The following RABGAP1 variants were observed in gnomAD, a reference collection of about 807,000 sequenced individuals.
The protein encoded by RABGAP1 is RAB GTPase activating protein 1, also known as rab GTPase-activating protein 1.
Under a neutral mutation model 137.6 loss-of-function variants are expected in RABGAP1, and 23 were observed. The observed-to-expected ratio is 0.17, with a 90% CI of 0.12 to 0.24. The LOEUF (loss-of-function observed/expected upper bound fraction) is 0.24, where lower values mean the gene tolerates loss of function less well. Among genes scored for constraint, RABGAP1 ranks in the 10% least tolerant of loss-of-function variants. The probability of loss-of-function intolerance (pLI) is 1.00; values close to 1 mark genes in which losing one functional copy is unlikely to be tolerated. For synonymous variants in RABGAP1, 451 were observed against 450.7 expected, an observed-to-expected ratio of 1.00 and a Z score of -0.01; for missense variants, 906 against 1,275.8, an observed-to-expected ratio of 0.71 and a Z score of 4.42.
intron 1 of RABGAP1, among the ~76,000 whole-genome samples, chr9:122,954,996 A>G (rs1834433657): frequency 6.6e-6 from 1 of 152,238 alleles, no homozygotes; most frequent in Admixed American, 6.5e-5. Context: ...AAAATGCTGT[A>G]GGAACAGATA....
intron 25 of RABGAP1, among the ~76,000 whole-genome samples, chr9:123,102,151 G>C (rs1177251613): frequency 1.3e-5 from 2 of 152,206 alleles, no homozygotes; most frequent in African/African-American, 4.8e-5. Context: ...TGAGGACTAA[G>C]TAAGATAGTG....
At position 123,036,392 on chromosome 9, in the gene RABGAP1, A is replaced by G. The variant is rs376915683; in HGVS notation, c.1794+15933A>G. ...ATGCCTTTGTGTTATGTCTATATTT[A>G]GAATATCTGAATTGTTAGATTTCTC... On this transcript the variant is annotated intron_variant, in intron 13 of 25. Coordinates refer to ENST00000373647, the MANE Select transcript of RABGAP1 (RefSeq NM_012197.4). 2.0e-4 allele frequency among the ~76,000 whole-genome samples: 31 copies of G among 152,354 alleles called. 1 individual carries two copies. The South Asian group carries it at 5.8e-3, about 29-fold the overall frequency.
intron 13 of RABGAP1, among the ~76,000 whole-genome samples, chr9:123,021,869 A>C (rs1470425650): frequency 6.6e-6 from 1 of 152,224 alleles, no homozygotes; most frequent in Admixed American, 6.5e-5. Context: ...TTATGATAGA[A>C]TGTGTCTGAA....
chr9:123,041,696 C>CT (rs2032960025), intron 13 of RABGAP1, among the ~76,000 whole-genome samples: 1 of 152,200 alleles, frequency 6.6e-6, no homozygotes, highest in African/African-American at 2.4e-5. Flanking sequence ...CGAGTAGTAA[C>CT]TGACTCAGCG....
chr9:122,996,237 G>A (rs1253029995), intron 7 of RABGAP1, 86 bp downstream of exon 7: 23 of 1,466,250 alleles, frequency 1.6e-5, no homozygotes, highest in Admixed American at 2.9e-5. Flanking sequence ...ATTAAAAAAT[G>A]TATTTCCAAA....
intron 13 of RABGAP1, chr9:123,021,058 G>A (rs1301126720): frequency 7.7e-6 from 2 of 259,634 alleles, no homozygotes; most frequent in African/African-American, 4.6e-5. Context: ...GTGCCTTTGT[G>A]TTCATGTTTT....
chr9:123,098,704 T>C lies in RABGAP1; in HGVS notation c.2734-11T>C, dbSNP rs1263770970. 10 of 1,608,158 alleles carry C rather than the reference T, an allele frequency of 6.2e-6. No individual in the cohort carries two copies. Among genetic ancestry groups the C allele is most frequent in the African/African-American group, 2.7e-5 (2 of 74,362 alleles). ...GTTAACATAGTCCCTTTTGTTTTTTTATGTGTGCAGTTAAAAGAAATGTGC... is the reference window on the plus strand; with the variant it reads ...GTTAACATAGTCCCTTTTGTTTTTTCATGTGTGCAGTTAAAAGAAATGTGC... On this transcript the variant is annotated splice_polypyrimidine_tract_variant and intron_variant, in intron 22 of 25. Transcript: ENST00000373647.
At chr9:123,030,074 TGA>T (rs2032211464) in intron 13 of RABGAP1, among the ~76,000 whole-genome samples, 1 of 152,246 alleles carries the variant, frequency 6.6e-6, no homozygotes, top group Non-Finnish European at 1.5e-5. Context: ...TTCATTAGGT[TGA>T]ACCATATAGA....
intron 21 of RABGAP1, among the ~76,000 whole-genome samples, chr9:123,093,885 AACAGTT>A (rs2035103334): frequency 6.6e-6 from 1 of 152,248 alleles, no homozygotes; most frequent in Non-Finnish European, 1.5e-5. Flanking sequence ...ACATCTGAAC[AACAGTT>A]GAAGCATTCA....
In RABGAP1 at chr9:123,103,111, G is replaced by A. The variant is rs935297641; in HGVS notation, c.3108G>A (p.Gly1036=). Residue 1036 remains glycine (G), a synonymous_variant, in exon 26 of 26, where the codon GGG becomes GGA. Transcript: ENST00000373647. Reference sequence around the variant, plus strand: ...TGCAGGACTTGGAACACCATTTAGGGCTTGCCCTCAATGAGGTGCAGGCAG... The same window carrying A: ...TGCAGGACTTGGAACACCATTTAGGACTTGCCCTCAATGAGGTGCAGGCAG... The part of the protein sequence containing the change: ...CKIQDLEHHL[G]LALNEVQAAK... 1 of 1,614,022 alleles carries A rather than the reference G, an allele frequency of 6.2e-7. No homozygotes were observed. The highest frequency in any genetic ancestry group is 8.5e-7 in the Non-Finnish European group (1 of 1,179,940).
At chr9:123,059,496 G>A (rs924439438) in intron 13 of RABGAP1, among the ~76,000 whole-genome samples, 1 of 152,006 alleles carries the variant, frequency 6.6e-6, no homozygotes, top group Admixed American at 6.5e-5. Context: ...CGGAGGTTGC[G>A]GTGAGGCGAG....
chr9:122,945,162 T>TTTTTTTTTTTTTTTTTTTTTTG, intron 1 of RABGAP1, among the ~76,000 whole-genome samples: 1 of 147,974 alleles, frequency 6.8e-6, no homozygotes, highest in East Asian at 1.9e-4. Context: ...TTTTTTTTTT[T>TTTTTTTTTTTTTTTTTTTTTTG]TAGCATAAAC....
At chr9:123,061,419 C>T (rs2033967017) in intron 13 of RABGAP1, among the ~76,000 whole-genome samples, 1 of 152,168 alleles carries the variant, frequency 6.6e-6, no homozygotes, top group Non-Finnish European at 1.5e-5. Context: ...CTGGCATGCG[C>T]TTGCTTTTAT....
the RABGAP1 span, among the ~76,000 whole-genome samples, chr9:122,934,073 TTTCTTTTC>T: frequency 4.0e-5 from 6 of 150,356 alleles, no homozygotes; most frequent in African/African-American, 1.5e-4. Flanking sequence ...AACCTTTTCT[TTTCTTTTC>T]TTTTTTTTTT....
At chr9:122,967,610 A>G (rs950714033) in intron 2 of RABGAP1, among the ~76,000 whole-genome samples, 5 of 152,140 alleles carry the variant, frequency 3.3e-5, no homozygotes, top group African/African-American at 9.7e-5. Context: ...TTTTCTTGTA[A>G]ACTTTCAAAG....
intron 12 of RABGAP1, among the ~76,000 whole-genome samples, chr9:123,016,835 C>G (rs1017360240): frequency 6.6e-6 from 1 of 152,162 alleles, no homozygotes; most frequent in Non-Finnish European, 1.5e-5. Context: ...AATTTTAAAG[C>G]ATTGTGTCAT....
chr9:123,039,612 T>C (rs538523615), intron 13 of RABGAP1, among the ~76,000 whole-genome samples: 16 of 152,290 alleles, frequency 1.1e-4, no homozygotes, highest in Admixed American at 2.6e-4. Flanking sequence ...ATTAATGTGG[T>C]AATGTGAGTC....
intron 13 of RABGAP1, among the ~76,000 whole-genome samples, chr9:123,049,887 G>T (rs764157855): frequency 4.6e-5 from 7 of 152,204 alleles, no homozygotes; most frequent in Non-Finnish European, 1.0e-4. Flanking sequence ...CATAAACTGT[G>T]AGGCAGGGAC....
At chr9:122,986,586 A>G (rs1241078146) in intron 4 of RABGAP1, among the ~76,000 whole-genome samples, 167 bp downstream of exon 4, 1 of 152,202 alleles carries the variant, frequency 6.6e-6, no homozygotes, top group Non-Finnish European at 1.5e-5. Flanking sequence ...TTTGTGAAAA[A>G]TGGTTACTTA....
Sources: allele counts gnomAD v4.1 joint callset (sites outside exome capture counted in the v4.1 genomes callset), GRCh38; gene constraint gnomAD v4.1.1; transcripts MANE v1.5; gene names NCBI Gene and HGNC (gene_info 2026-07-23, HGNC 2026-07-21).